RFX3: variants seen among roughly 807,000 people sequenced by gnomAD.
RFX3 encodes transcription factor RFX3.
A neutral mutation model predicts 98.6 loss-of-function variants in RFX3; 14 were observed. The observed-to-expected ratio is 0.14, with a 90% CI of 0.09 to 0.22. The LOEUF (loss-of-function observed/expected upper bound fraction) is 0.22. Among genes scored for constraint, RFX3 ranks in the 10% least tolerant of loss-of-function variants. The pLI, the probability that RFX3 is intolerant of heterozygous loss-of-function variation, is 1.00. For synonymous variants in RFX3, 383 were observed against 328.4 expected, an observed-to-expected ratio of 1.17 and a Z score of -1.80; for missense variants, 639 against 926.9, an observed-to-expected ratio of 0.69 and a Z score of 4.03.
intron 1 of RFX3, among the ~76,000 whole-genome samples, chr9:3,499,374 C>T (rs1815729457): frequency 6.6e-6 from 1 of 151,896 alleles, no homozygotes; most frequent in Non-Finnish European, 1.5e-5. Flanking sequence ...TCAAGAAGTT[C>T]AACATTTCAT....
At chr9:3,246,542 G>A (rs901116033) in intron 15 of RFX3, among the ~76,000 whole-genome samples, 5 of 152,146 alleles carry the variant, frequency 3.3e-5, no homozygotes, top group Admixed American at 3.3e-4. Flanking sequence ...AGAAGTCCTT[G>A]AGCATATGAG....
intron 7 of RFX3, among the ~76,000 whole-genome samples, chr9:3,284,063 T>C (rs1586874591): frequency 6.6e-6 from 1 of 151,778 alleles, no homozygotes; most frequent in Admixed American, 6.6e-5. Flanking sequence ...TTATGTCTTT[T>C]AGATGTGATT....
chr9:3,399,293 A>T (rs1344987524), intron 1 of RFX3, among the ~76,000 whole-genome samples: 2 of 151,240 alleles, frequency 1.3e-5, no homozygotes, highest in Admixed American at 6.6e-5. Flanking sequence ...AAAAAAAAAA[A>T]ATCAGCTGGT....
At chr9:3,324,351 T>C (rs966760103) in intron 4 of RFX3, among the ~76,000 whole-genome samples, 1 of 152,140 alleles carries the variant, frequency 6.6e-6, no homozygotes. Flanking sequence ...AACAGAAGCG[T>C]TCATCTCATG....
At chr9:3,425,501 C>T (rs922852514) in intron 1 of RFX3, among the ~76,000 whole-genome samples, 3 of 152,174 alleles carry the variant, frequency 2.0e-5, no homozygotes, top group African/African-American at 7.2e-5. Flanking sequence ...ATAGCCCTAT[C>T]TTCTCTGTAC....
At position 3,504,444 on chromosome 9, in the gene RFX3, A is replaced by T. The variant is rs1046479825; in HGVS notation, c.-9+21303T>A. Among the ~76,000 whole-genome samples, 33 of 125,942 alleles carry T rather than the reference A, an allele frequency of 2.6e-4. 1 individual carries two copies. Among genetic ancestry groups the T allele is most frequent in the African/African-American group, 1.0e-3 (33 of 31,852 alleles). The allele number at this position is 125,942 out of a possible 152,430, so 82.6% of individuals were successfully genotyped here. A position where few individuals can be genotyped will look rare whatever the true frequency, so the allele number is the denominator to read the frequency against. ...ACCACATAGTATATATTGTATATAA[A>T]ATATATATTATATGCCATATGGTAT... is the stretch of plus-strand genomic sequence containing the variant. On this transcript the variant is annotated intron_variant, in intron 1 of 16. Coordinates refer to ENST00000617270, the MANE Select transcript of RFX3 (RefSeq NM_001282116.2).
At chr9:3,270,834 T>C (rs1182723885) in intron 10 of RFX3, 169 bp downstream of exon 10, 35 of 915,740 alleles carry the variant, frequency 3.8e-5, no homozygotes, top group Non-Finnish European at 5.4e-5. Flanking sequence ...ATACACACAC[T>C]GAAACCTCAA....
At chr9:3,285,789 G>C (rs1189196029) in intron 7 of RFX3, among the ~76,000 whole-genome samples, 1 of 151,328 alleles carries the variant, frequency 6.6e-6, no homozygotes, top group African/African-American at 2.4e-5. Flanking sequence ...ATACTACTGA[G>C]ATTCTTATAT....
rs545080830 is a variant in RFX3, at chr9:3,295,068, G to C, written c.550-1810C>G. Among the ~76,000 whole-genome samples, 121 of 152,182 alleles carry C rather than the reference G, an allele frequency of 8.0e-4. 4 individuals carry two copies. Among genetic ancestry groups the C allele is most frequent in the Admixed American group, 7.5e-3 (115 of 15,270 alleles). On this transcript the variant is annotated intron_variant, in intron 5 of 16. Transcript: ENST00000617270. ...CCAGGGGCGCTTAAACATGATTTCT[G>C]AGTATTCTAAGTGACACACAGAATA... is the stretch of plus-strand genomic sequence containing the variant.
At chr9:3,463,671 G>GA (rs1847922119) in intron 1 of RFX3, among the ~76,000 whole-genome samples, 1 of 151,724 alleles carries the variant, frequency 6.6e-6, no homozygotes, top group Non-Finnish European at 1.5e-5. Context: ...ACAAAGAACT[G>GA]TTTTTTTTAA....
chr9:3,431,052 TTAAC>T (rs1290465908), intron 1 of RFX3, among the ~76,000 whole-genome samples: 1 of 152,164 alleles, frequency 6.6e-6, no homozygotes, highest in Non-Finnish European at 1.5e-5. Context: ...CTGCATAAAA[TTAAC>T]TATAATACCT....
At chr9:3,383,875 TA>T (rs1839441742) in intron 2 of RFX3, among the ~76,000 whole-genome samples, 1 of 152,008 alleles carries the variant, frequency 6.6e-6, no homozygotes, top group Non-Finnish European at 1.5e-5. Context: ...TCAAAGAAAA[TA>T]AAAAGGCATA....
At chr9:3,420,732 T>C in intron 1 of RFX3, 1 of 946,244 alleles carries the variant, frequency 1.1e-6, no homozygotes, top group Middle Eastern at 5.5e-4. Flanking sequence ...TAAACCCCTG[T>C]ATCCTTCCAT....
chr9:3,387,809 A>G (rs1209314409), intron 2 of RFX3, among the ~76,000 whole-genome samples: 2 of 152,076 alleles, frequency 1.3e-5, no homozygotes, highest in Non-Finnish European at 2.9e-5. Context: ...AGCTGATTAT[A>G]TGAAATAATG....
chr9:3,462,718 T>C (rs1198716538), intron 1 of RFX3, among the ~76,000 whole-genome samples: 1 of 152,046 alleles, frequency 6.6e-6, no homozygotes, highest in African/African-American at 2.4e-5. Context: ...AAGGTCAAAA[T>C]AGAAAAAGTG....
intron 4 of RFX3, among the ~76,000 whole-genome samples, chr9:3,319,158 A>G (rs1473744811): frequency 6.6e-6 from 1 of 152,214 alleles, no homozygotes; most frequent in African/African-American, 2.4e-5. Flanking sequence ...AGTCTCCGTA[A>G]TCACTAAAAC....
chr9:3,404,469 T>C (rs1475374859), intron 1 of RFX3, among the ~76,000 whole-genome samples: 1 of 152,146 alleles, frequency 6.6e-6, no homozygotes, highest in African/African-American at 2.4e-5. Flanking sequence ...CTGGTACTTA[T>C]CTATGGGAAC....
At chr9:3,493,536 T>G (rs1850874988) in intron 1 of RFX3, among the ~76,000 whole-genome samples, 1 of 151,268 alleles carries the variant, frequency 6.6e-6, no homozygotes, top group Non-Finnish European at 1.5e-5. Flanking sequence ...TACAAAAAAT[T>G]TTCCGGGCGT....
At chr9:3,400,925 G>A (rs1278792622) in intron 1 of RFX3, among the ~76,000 whole-genome samples, 1 of 152,190 alleles carries the variant, frequency 6.6e-6, no homozygotes, top group Admixed American at 6.5e-5. Flanking sequence ...TTCACTTGAT[G>A]TCTGTCTGAC....
Sources: allele counts gnomAD v4.1 joint callset (sites outside exome capture counted in the v4.1 genomes callset), GRCh38; gene constraint gnomAD v4.1.1; transcripts MANE v1.5; gene names NCBI Gene and HGNC (gene_info 2026-07-23, HGNC 2026-07-21).